The following NEK11 variants were observed in gnomAD, a reference collection of about 807,000 sequenced individuals.
NEK11 encodes NIMA related kinase 11, also known as serine/threonine-protein kinase Nek11.
A neutral mutation model predicts 80.7 loss-of-function variants in NEK11; 72 were observed. The observed-to-expected ratio is 0.89, with a 90% CI of 0.74 to 1.08. NEK11 has a LOEUF of 1.08. Ranked by LOEUF, NEK11 falls within the 50% of genes least tolerant of loss-of-function variation. NEK11 has a pLI of 0.00. For missense variants in NEK11, 764 were observed against 763.6 expected, an observed-to-expected ratio of 1.00 and a Z score of -0.01; for synonymous variants, 251 against 260.7, an observed-to-expected ratio of 0.96 and a Z score of 0.36.
intron 3 of NEK11, among the ~76,000 whole-genome samples, chr3:131,069,266 TG>T (rs2072715025): frequency 6.6e-6 from 1 of 152,204 alleles, no homozygotes; most frequent in Non-Finnish European, 1.5e-5. Flanking sequence ...CAGCTTTTGT[TG>T]CTTCTTAAAA....
At chr3:131,283,264 C>G (rs577320392) in intron 17 of NEK11, among the ~76,000 whole-genome samples, 1 of 152,264 alleles carries the variant, frequency 6.6e-6, no homozygotes, top group East Asian at 1.9e-4. Context: ...TACCACAGGC[C>G]TTTTATGTAC....
At chr3:131,044,293 C>T (rs1229834011) in intron 3 of NEK11, among the ~76,000 whole-genome samples, 2 of 151,956 alleles carry the variant, frequency 1.3e-5, no homozygotes, top group African/African-American at 4.8e-5. Flanking sequence ...AATTAAAAGG[C>T]ACAGACTGGC....
At chr3:131,107,111 G>A (rs2079300195) in intron 4 of NEK11, among the ~76,000 whole-genome samples, 1 of 151,942 alleles carries the variant, frequency 6.6e-6, no homozygotes, top group African/African-American at 2.4e-5. Context: ...CATTGCTTTT[G>A]TGGTATGTTG....
At chr3:131,083,196 TCA>T (rs1033987034) in intron 4 of NEK11, among the ~76,000 whole-genome samples, 3 of 152,234 alleles carry the variant, frequency 2.0e-5, no homozygotes, top group African/African-American at 7.2e-5. Flanking sequence ...CCCATCTAAT[TCA>T]CAGTCTATAT....
chr3:131,263,798 C>T (rs964593704), intron 16 of NEK11, among the ~76,000 whole-genome samples: 3 of 152,276 alleles, frequency 2.0e-5, no homozygotes, highest in African/African-American at 7.2e-5. Flanking sequence ...ACACTGTCAT[C>T]CACAATGGTT....
intron 3 of NEK11, 79 bp downstream of exon 3, chr3:131,029,957 A>G (rs1318441523): frequency 2.2e-6 from 3 of 1,380,842 alleles, no homozygotes; most frequent in Non-Finnish European, 3.1e-6. Flanking sequence ...AACATGGAGC[A>G]GGCCAGGTAT....
chr3:131,076,589 CA>C (rs1484684826), intron 3 of NEK11, among the ~76,000 whole-genome samples: 1 of 152,056 alleles, frequency 6.6e-6, no homozygotes, highest in Non-Finnish European at 1.5e-5. Context: ...AACACAAAAG[CA>C]AAATCCAAAG....
intron 4 of NEK11, among the ~76,000 whole-genome samples, chr3:131,106,575 T>C (rs544860044): frequency 2.0e-5 from 3 of 152,154 alleles, no homozygotes; most frequent in Non-Finnish European, 2.9e-5. Flanking sequence ...ACTCTGAAGG[T>C]ATGCCTGCAT....
chr3:131,209,125 T>G (rs147346860), intron 14 of NEK11, among the ~76,000 whole-genome samples: 239 of 152,304 alleles, frequency 1.6e-3, no homozygotes, highest in African/African-American at 5.4e-3. Context: ...TCTTATTATT[T>G]TGAGCTACGT....
chr3:131,335,145 A>T (rs1395014146), intron 17 of NEK11, among the ~76,000 whole-genome samples: 1 of 152,224 alleles, frequency 6.6e-6, no homozygotes, highest in Non-Finnish European at 1.5e-5. Flanking sequence ...CTGATACCAA[A>T]GCCTGGCAGA....
In NEK11 at chr3:131,201,332, C is replaced by T. The variant is rs149442133; in HGVS notation, c.1400-27196C>T. The stretch of plus-strand genomic sequence containing the variant: ...ACAAATAGGAAGGGATGTGGAATAT[C>T]GGAATGTCGGTGATGCATTTGGGCC... On this transcript the variant is annotated intron_variant, in intron 14 of 17. Transcript: ENST00000383366. Among the ~76,000 whole-genome samples, 336 of 151,848 alleles carry T rather than the reference C, an allele frequency of 2.2e-3. 1 individual carries two copies. Among genetic ancestry groups the T allele is most frequent in the African/African-American group, 7.8e-3 (325 of 41,458 alleles).
intron 17 of NEK11, among the ~76,000 whole-genome samples, chr3:131,332,663 T>G (rs1443384818): frequency 2.0e-5 from 3 of 152,154 alleles, no homozygotes; most frequent in Non-Finnish European, 4.4e-5. Context: ...ATGATCAAAA[T>G]ACTCCGAGCT....
At chr3:131,118,377 A>G (rs1267009168) in intron 5 of NEK11, among the ~76,000 whole-genome samples, 1 of 152,176 alleles carries the variant, frequency 6.6e-6, no homozygotes, top group East Asian at 1.9e-4. Flanking sequence ...TCAGTTTGCC[A>G]GTATTTTATT....
chr3:131,104,337 G>A (rs966675597), intron 4 of NEK11, among the ~76,000 whole-genome samples: 9 of 152,242 alleles, frequency 5.9e-5, no homozygotes, highest in Admixed American at 6.5e-5. Flanking sequence ...CTGGAAGGCC[G>A]TGCCCAATCA....
At chr3:131,139,241 G>C (rs890947313) in intron 7 of NEK11, among the ~76,000 whole-genome samples, 1 of 151,134 alleles carries the variant, frequency 6.6e-6, no homozygotes, top group East Asian at 1.9e-4. Flanking sequence ...CAATTGACTG[G>C]AGAATGCATC....
intron 5 of NEK11, among the ~76,000 whole-genome samples, chr3:131,124,654 T>C (rs2082985155): frequency 6.6e-6 from 1 of 152,196 alleles, no homozygotes; most frequent in African/African-American, 2.4e-5. Flanking sequence ...AGAGTAGGCA[T>C]AGAGAAAGCC....
At chr3:131,033,955 A>C (rs578132957) in intron 3 of NEK11, among the ~76,000 whole-genome samples, 1 of 152,312 alleles carries the variant, frequency 6.6e-6, no homozygotes, top group East Asian at 1.9e-4. Context: ...GAAATTCATA[A>C]AACAATATTT....
intron 17 of NEK11, among the ~76,000 whole-genome samples, chr3:131,335,186 A>C (rs1390611704): frequency 6.6e-6 from 1 of 152,230 alleles, no homozygotes; most frequent in African/African-American, 2.4e-5. Flanking sequence ...TTTAAGACCA[A>C]TATCCTTGAT....
intron 14 of NEK11, among the ~76,000 whole-genome samples, chr3:131,172,455 A>G (rs2092750291): frequency 6.6e-6 from 1 of 152,216 alleles, no homozygotes. Context: ...AGCTGTATGG[A>G]GACAAGCACC....
Sources: allele counts gnomAD v4.1 joint callset (sites outside exome capture counted in the v4.1 genomes callset), GRCh38; gene constraint gnomAD v4.1.1; transcripts MANE v1.5; gene names NCBI Gene and HGNC (gene_info 2026-07-23, HGNC 2026-07-21).